DOCK1: variants seen among roughly 807,000 people sequenced by gnomAD.
DOCK1 encodes dedicator of cytokinesis 1.
DOCK1 carries 138 observed loss-of-function variants against 262.7 expected under a neutral mutation model. The ratio of observed to expected loss-of-function variants is 0.53; its 90% confidence interval spans 0.46 to 0.61. The LOEUF (loss-of-function observed/expected upper bound fraction) is 0.61, where lower values mean the gene tolerates loss of function less well. DOCK1 is among the 20% of genes least tolerant of loss of function. DOCK1 has a pLI of 0.00. For missense variants in DOCK1, 1,908 were observed against 2,370.7 expected, an observed-to-expected ratio of 0.80 and a Z score of 4.05; for synonymous variants, 866 against 867.4, an observed-to-expected ratio of 1.00 and a Z score of 0.03.
intron 49 of DOCK1, among the ~76,000 whole-genome samples, 170 bp from the exon 50 acceptor site, chr10:127,443,956 G>T (rs2070360194): frequency 6.6e-6 from 1 of 151,816 alleles, no homozygotes; most frequent in Non-Finnish European, 1.5e-5. Context: ...ACTCTAACAG[G>T]CCCACCCTAA....
At chr10:127,322,638 C>T (rs888588769) in intron 29 of DOCK1, among the ~76,000 whole-genome samples, 4 of 152,236 alleles carry the variant, frequency 2.6e-5, no homozygotes, top group African/African-American at 9.6e-5. Flanking sequence ...GGCAAGAATA[C>T]TATTTTATAA....
chr10:126,967,901 C>T (rs986350172), intron 1 of DOCK1, among the ~76,000 whole-genome samples: 9 of 152,140 alleles, frequency 5.9e-5, no homozygotes, highest in Non-Finnish European at 1.2e-4. Context: ...GCAACCTCTG[C>T]CTCCTGGGTT....
chr10:127,110,171 A>T, intron 24 of DOCK1, 77 bp from the exon 25 acceptor site: 1 of 1,200,872 alleles, frequency 8.3e-7, no homozygotes, highest in Non-Finnish European at 1.2e-6. Flanking sequence ...GTGATGACCT[A>T]TATCTCAGTA....
chr10:127,004,660 G>GT lies in DOCK1; in HGVS notation c.986-4072_986-4071insT, dbSNP rs1554970480. Among the ~76,000 whole-genome samples, 4 of 151,940 alleles carry GT rather than the reference G, an allele frequency of 2.6e-5. No individual in the cohort carries two copies. In the South Asian group the frequency reaches 8.3e-4, roughly 32 times the overall value. On this transcript the variant is annotated intron_variant, in intron 10 of 51. Coordinates refer to ENST00000623213, the MANE Select transcript of DOCK1 (RefSeq NM_001290223.2). ...GCTACTCAAGAGGCTGAGGTGGGGG[G>GT]ATCACCTGAGCCTAGGGAGGTTGAG... is the stretch of plus-strand genomic sequence containing the variant.
intron 1 of DOCK1, among the ~76,000 whole-genome samples, chr10:126,961,586 C>T (rs1254272886): frequency 6.6e-6 from 1 of 152,198 alleles, no homozygotes; most frequent in Non-Finnish European, 1.5e-5. Context: ...TAAGTGGAAT[C>T]GTACTGTATT....
Position 127,112,005 on chromosome 10 carries a change from T to A in DOCK1, c.2623+1651T>A, listed in dbSNP as rs200749442. ...AATAAGGATGTAAGCCATGAAAGAT[T>A]CAATTAGATTTTTTTTTTTTTTTCG... On this transcript the variant is annotated intron_variant, in intron 25 of 51. Coordinates refer to ENST00000623213, the MANE Select transcript of DOCK1 (RefSeq NM_001290223.2). Among the ~76,000 whole-genome samples the A allele has an allele frequency of 4.6e-5, 7 of 151,784 alleles. No individual in the cohort carries two copies. In the East Asian group the frequency reaches 1.4e-3, roughly 29 times the overall value.
chr10:127,428,450 CT>C lies in DOCK1; in HGVS notation c.4914+2441del, dbSNP rs1211631808. Among the ~76,000 whole-genome samples the C allele has an allele frequency of 8.9e-5, 13 of 146,370 alleles. 1 individual carries two copies. The South Asian group carries it at 2.0e-3, about 23-fold the overall frequency. ...TGGGGTGCCGTGTGAATTGGAGTGC[CT>C]TGTGGATTGGGGTGCCGTGTGGATT... On this transcript the variant is annotated intron_variant, in intron 47 of 51. Coordinates refer to ENST00000623213, the MANE Select transcript of DOCK1 (RefSeq NM_001290223.2).
intron 19 of DOCK1, among the ~76,000 whole-genome samples, chr10:127,040,496 A>T (rs1297879069): frequency 6.6e-6 from 1 of 152,066 alleles, no homozygotes; most frequent in Non-Finnish European, 1.5e-5. Context: ...GGCATGCTGG[A>T]CATCCTCTCT....
chr10:127,222,633 G>T (rs773875724), intron 27 of DOCK1, among the ~76,000 whole-genome samples: 13 of 12,648 alleles, frequency 1.0e-3, no homozygotes, highest in Non-Finnish European at 2.5e-3. Context: ...TTTGTTTTGT[G>T]TTGTGTTGTG....
intron 27 of DOCK1, among the ~76,000 whole-genome samples, chr10:127,128,425 A>C (rs1032528306): frequency 2.7e-5 from 4 of 148,292 alleles, no homozygotes; most frequent in African/African-American, 1.0e-4. Context: ...CAGAACATAC[A>C]GGTTTGTTAC....
At chr10:126,926,161 A>G (rs2033702523) in intron 1 of DOCK1, among the ~76,000 whole-genome samples, 1 of 152,122 alleles carries the variant, frequency 6.6e-6, no homozygotes, top group Non-Finnish European at 1.5e-5. Flanking sequence ...CACCTGCTAC[A>G]TGGGAGTACC....
At chr10:127,089,689 G>C (rs2047404766) in intron 23 of DOCK1, among the ~76,000 whole-genome samples, 1 of 152,170 alleles carries the variant, frequency 6.6e-6, no homozygotes, top group African/African-American at 2.4e-5. Context: ...CCTGGGCAGG[G>C]CGTGGAGATG....
At chr10:127,137,552 G>A (rs1395782258) in intron 27 of DOCK1, 2 of 320,152 alleles carry the variant, frequency 6.2e-6, no homozygotes, top group Non-Finnish European at 1.1e-5. Context: ...CAGATCGGGG[G>A]TGGGGGAAAA....
chr10:127,266,563 C>A (rs534778478), intron 29 of DOCK1, among the ~76,000 whole-genome samples: 15 of 151,948 alleles, frequency 9.9e-5, no homozygotes, highest in African/African-American at 3.4e-4. Context: ...ATGTTTCATG[C>A]ATAAAATAGA....
At chr10:127,338,776 T>C (rs1423184157) in intron 29 of DOCK1, among the ~76,000 whole-genome samples, 1 of 152,184 alleles carries the variant, frequency 6.6e-6, no homozygotes, top group Non-Finnish European at 1.5e-5. Context: ...TCAGAAGCTG[T>C]TATTTTGGTC....
At chr10:127,233,372 C>T (rs1010230109) in intron 27 of DOCK1, among the ~76,000 whole-genome samples, 1 of 152,146 alleles carries the variant, frequency 6.6e-6, no homozygotes, top group African/African-American at 2.4e-5. Flanking sequence ...GGACATGCTA[C>T]AACAAACAAA....
chr10:127,239,796 C>T (rs1324859529), intron 27 of DOCK1, among the ~76,000 whole-genome samples: 1 of 151,906 alleles, frequency 6.6e-6, no homozygotes, highest in African/African-American at 2.4e-5. Flanking sequence ...ATAAAAATAA[C>T]GTATAAAATT....
intron 1 of DOCK1, among the ~76,000 whole-genome samples, chr10:126,964,066 C>A (rs1206777022): frequency 1.3e-5 from 2 of 152,172 alleles, no homozygotes; most frequent in African/African-American, 4.8e-5. Flanking sequence ...CACATTCTCG[C>A]TAGTAGTACA....
chr10:127,052,670 A>C lies in DOCK1; in HGVS notation c.2202-11A>C. 1 of 1,613,956 alleles carries C rather than the reference A, an allele frequency of 6.2e-7. No individual in the cohort carries two copies. Among genetic ancestry groups the C allele is most frequent in the African/African-American group, 1.3e-5 (1 of 75,018 alleles). On this transcript the variant is annotated splice_polypyrimidine_tract_variant and intron_variant, in intron 21 of 51. Transcript: ENST00000623213. ...CCTGAGCTTATTTGTGCGTGTTTGCATTGTGAATAGGAAGTTGACAAAAGT... is the reference window on the plus strand; with the variant it reads ...CCTGAGCTTATTTGTGCGTGTTTGCCTTGTGAATAGGAAGTTGACAAAAGT...
Sources: gnomAD v4.1 joint callset for allele counts (sites outside exome capture counted in the v4.1 genomes callset) on GRCh38, gnomAD v4.1.1 for gene constraint, MANE v1.5 for transcripts, NCBI Gene and HGNC (gene_info 2026-07-23, HGNC 2026-07-21) for gene names.